Variants in PRKAG2 observed in about 807,000 individuals in gnomAD.
PRKAG2 encodes the protein 5'-AMP-activated protein kinase subunit gamma-2.
A neutral mutation model predicts 69.6 loss-of-function variants in PRKAG2; 26 were observed. That is an observed-to-expected ratio of 0.37 (90% confidence interval 0.27 to 0.52). The LOEUF (loss-of-function observed/expected upper bound fraction) is 0.52, where lower values mean the gene tolerates loss of function less well. Among genes scored for constraint, PRKAG2 ranks in the 20% least tolerant of loss-of-function variants. The pLI is 0.90. For missense variants in PRKAG2, 557 were observed against 740.0 expected, an observed-to-expected ratio of 0.75 and a Z score of 2.87; for synonymous variants, 293 against 285.0, an observed-to-expected ratio of 1.03 and a Z score of -0.28.
intron 7 of PRKAG2, 133 bp downstream of exon 7, chr7:151,576,238 G>T: frequency 1.1e-6 from 1 of 949,060 alleles, no homozygotes; most frequent in Non-Finnish European, 1.7e-6. Context: ...ACTGCACCCT[G>T]CCAGCAAGAA....
intron 1 of PRKAG2, among the ~76,000 whole-genome samples, chr7:151,854,551 G>A (rs557726997): frequency 5.3e-5 from 8 of 152,374 alleles, no homozygotes; most frequent in African/African-American, 1.9e-4. Flanking sequence ...GCAAGGGCCA[G>A]GCAGCGGGAA....
chr7:151,838,742 C>G (rs1321563908), intron 1 of PRKAG2, among the ~76,000 whole-genome samples: 2 of 150,972 alleles, frequency 1.3e-5, no homozygotes, highest in Non-Finnish European at 3.0e-5. Context: ...AGGCCAGGCA[C>G]AGTGGCTCAC....
intron 10 of PRKAG2, 72 bp downstream of exon 10, chr7:151,570,099 T>C: frequency 6.6e-7 from 1 of 1,522,064 alleles, no homozygotes; most frequent in Middle Eastern, 1.7e-4. Context: ...TATTTGTGTC[T>C]TTCTTTCTAT....
At chr7:151,723,771 A>ACTGGCAAATCCT (rs1405547381) in intron 3 of PRKAG2, among the ~76,000 whole-genome samples, 1 of 152,096 alleles carries the variant, frequency 6.6e-6, no homozygotes, top group Non-Finnish European at 1.5e-5. Context: ...GTTGGTCTCA[A>ACTGGCAAATCCT]CTGGCAAATC....
chr7:151,707,497 C>A (rs1838827276), intron 3 of PRKAG2, among the ~76,000 whole-genome samples: 1 of 152,152 alleles, frequency 6.6e-6, no homozygotes, highest in Non-Finnish European at 1.5e-5. Context: ...GCTCCCCAAA[C>A]CTCGGGAGGG....
chr7:151,593,101 C>T (rs1813632885), intron 6 of PRKAG2, among the ~76,000 whole-genome samples: 1 of 152,204 alleles, frequency 6.6e-6, no homozygotes, highest in Admixed American at 6.5e-5. Flanking sequence ...ATGTATTACT[C>T]ACTTGACTTT....
chr7:151,867,264 G>A (rs1043822359), intron 1 of PRKAG2, among the ~76,000 whole-genome samples: 4 of 152,192 alleles, frequency 2.6e-5, no homozygotes, highest in Non-Finnish European at 5.9e-5. Context: ...AGGTTCCTGG[G>A]CTGTGATAAT....
intron 3 of PRKAG2, among the ~76,000 whole-genome samples, chr7:151,724,271 T>C (rs1195440854): frequency 6.6e-6 from 1 of 152,162 alleles, no homozygotes; most frequent in Non-Finnish European, 1.5e-5. Flanking sequence ...CTTTCTGCAT[T>C]TGGGGGTCGC....
chr7:151,620,064 C>T (rs897246141), intron 5 of PRKAG2, among the ~76,000 whole-genome samples: 2 of 151,912 alleles, frequency 1.3e-5, no homozygotes, highest in African/African-American at 4.8e-5. Flanking sequence ...ATAAATAAAT[C>T]AGAAAACCTA....
At chr7:151,853,759 CAAAAAAA>C (rs56098823) in intron 1 of PRKAG2, among the ~76,000 whole-genome samples, 1 of 109,978 alleles carries the variant, frequency 9.1e-6, no homozygotes, top group Non-Finnish European at 1.9e-5. Flanking sequence ...GACTCCGTCT[CAAAAAAA>C]AAAAAAAAAA....
intron 5 of PRKAG2, among the ~76,000 whole-genome samples, chr7:151,595,945 G>A (rs1468661874): frequency 6.6e-6 from 1 of 152,230 alleles, no homozygotes; most frequent in Admixed American, 6.5e-5. Flanking sequence ...TGAGGTGGAA[G>A]GGTCACTTGA....
intron 5 of PRKAG2, chr7:151,631,604 A>G (rs1824422042): frequency 2.2e-6 from 1 of 448,678 alleles, no homozygotes; most frequent in East Asian, 7.1e-5. Context: ...TTTCCTATTT[A>G]ACTTTCCCCA....
At chr7:151,623,941 A>C (rs1822176409) in intron 5 of PRKAG2, among the ~76,000 whole-genome samples, 1 of 152,206 alleles carries the variant, frequency 6.6e-6, no homozygotes, top group African/African-American at 2.4e-5. Context: ...CGGAACAATG[A>C]AACATTCCAC....
intron 3 of PRKAG2, among the ~76,000 whole-genome samples, chr7:151,709,247 TTG>T (rs1839141017): frequency 6.6e-6 from 1 of 152,022 alleles, no homozygotes; most frequent in Middle Eastern, 3.2e-3. Context: ...TGAAATCGAT[TTG>T]TGACAATGTG....
intron 3 of PRKAG2, among the ~76,000 whole-genome samples, chr7:151,682,695 G>A (rs1325424084): frequency 6.6e-6 from 1 of 152,114 alleles, no homozygotes; most frequent in Non-Finnish European, 1.5e-5. Flanking sequence ...ATGGATTAGA[G>A]CAAGTCCCTG....
intron 4 of PRKAG2, among the ~76,000 whole-genome samples, chr7:151,659,510 C>T (rs1347232831): frequency 1.3e-5 from 2 of 152,228 alleles, no homozygotes; most frequent in Non-Finnish European, 2.9e-5. Context: ...CTTTTCTTCT[C>T]ACACCACGCA....
chr7:151,874,168 TATG>T lies in PRKAG2; in HGVS notation c.114+2336_114+2338del, dbSNP rs1180007830. 2.1e-4 allele frequency among the ~76,000 whole-genome samples: 28 copies of T among 130,654 alleles called. No individual in the cohort carries two copies. The East Asian group carries it at 3.0e-3, about 14-fold the overall frequency. The allele number at this position is 130,654 out of a possible 152,430, so 85.7% of individuals were successfully genotyped here. A position where few individuals can be genotyped will look rare whatever the true frequency, so the allele number is the denominator to read the frequency against. ...TGTATATGTATATGATGTATATGTA[TATG>T]ATGTATATGTATATGTATATGTATA... On this transcript the variant is annotated intron_variant, in intron 1 of 15. Coordinates refer to ENST00000287878, the MANE Select transcript of PRKAG2 (RefSeq NM_016203.4).
At position 151,832,359 on chromosome 7, in the gene PRKAG2, T is replaced by C. The variant is rs989178006; in HGVS notation, c.114+44148A>G. ...ACCAGTTCACACCAAGGAGACCTGC[T>C]TGTTGGGGGCGAAGCAGAAGCTCCG... On this transcript the variant is annotated intron_variant, in intron 1 of 15. Coordinates refer to ENST00000287878, the MANE Select transcript of PRKAG2 (RefSeq NM_016203.4). Among the ~76,000 whole-genome samples, 6 of 152,078 alleles carry C rather than the reference T, an allele frequency of 3.9e-5. No individual in the cohort carries two copies. In the East Asian group the frequency reaches 1.2e-3, roughly 29 times the overall value.
intron 6 of PRKAG2, among the ~76,000 whole-genome samples, chr7:151,589,434 G>A (rs983942542): frequency 1.3e-5 from 2 of 152,124 alleles, no homozygotes; most frequent in African/African-American, 2.4e-5. Context: ...TCTCAGATTG[G>A]GTCTGATGAG....
Sources: allele counts gnomAD v4.1 joint callset (sites outside exome capture counted in the v4.1 genomes callset), GRCh38; gene constraint gnomAD v4.1.1; transcripts MANE v1.5; gene names NCBI Gene and HGNC (gene_info 2026-07-23, HGNC 2026-07-21).